Variants in ONECUT2 observed in about 807,000 individuals in gnomAD.
ONECUT2 encodes one cut homeobox 2, also known as one cut domain family member 2.
Under a neutral mutation model 27.9 loss-of-function variants are expected in ONECUT2, and 10 were observed. The observed-to-expected ratio is 0.36, with a 90% CI of 0.22 to 0.61. The LOEUF is 0.61. Ranked by LOEUF, ONECUT2 falls within the 20% of genes least tolerant of loss-of-function variation. The pLI, the probability that ONECUT2 is intolerant of heterozygous loss-of-function variation, is 0.73. For synonymous variants in ONECUT2, 334 were observed against 315.1 expected, an observed-to-expected ratio of 1.06 and a Z score of -0.64; for missense variants, 686 against 721.0, an observed-to-expected ratio of 0.95 and a Z score of 0.56.
At chr18:57,467,215 C>T (rs1445484496) in intron 1 of ONECUT2, 2 of 456,306 alleles carry the variant, frequency 4.4e-6, no homozygotes, top group South Asian at 3.1e-5. Flanking sequence ...CTGCCTCCAG[C>T]CGACAGTAAG....
In ONECUT2 at chr18:57,446,128, G is replaced by A. The variant is rs141954482; in HGVS notation, c.1228+9184G>A. Among the ~76,000 whole-genome samples, 648 of 152,322 alleles carry A rather than the reference G, an allele frequency of 4.3e-3. 7 individuals carry two copies. Among genetic ancestry groups the A allele is most frequent in the African/African-American group, 0.015 (616 of 41,576 alleles). ...CTGCCCTGGTAGGAAGGTTGGGGTC[G>A]CATCCTGCTGGCACTGCCCTCCCAG... is the stretch of plus-strand genomic sequence containing the variant. On this transcript the variant is annotated intron_variant, in intron 1 of 1. Coordinates refer to ENST00000491143, the MANE Select transcript of ONECUT2 (RefSeq NM_004852.3).
At chr18:57,440,611 T>C (rs1430088866) in intron 1 of ONECUT2, among the ~76,000 whole-genome samples, 1 of 152,212 alleles carries the variant, frequency 6.6e-6, no homozygotes, top group Non-Finnish European at 1.5e-5. Flanking sequence ...CCCACCATGA[T>C]GTCGCCTGGG....
At chr18:57,460,313 A>T (rs565119516) in intron 1 of ONECUT2, among the ~76,000 whole-genome samples, 41 of 152,252 alleles carry the variant, frequency 2.7e-4, no homozygotes, top group Middle Eastern at 3.4e-3. Context: ...CTATTTTTTT[A>T]AAATCTCAAA....
intron 1 of ONECUT2, among the ~76,000 whole-genome samples, chr18:57,464,140 T>G (rs1273106772): frequency 2.0e-5 from 3 of 152,206 alleles, no homozygotes; most frequent in Non-Finnish European, 4.4e-5. Flanking sequence ...AGTAATTTGC[T>G]TAATCCTCTG....
In ONECUT2 at chr18:57,482,643, G is replaced by A. The variant is rs989949769; in HGVS notation, c.*5920G>A. The A allele has an allele frequency of 1.3e-5, 2 of 152,122 alleles. No homozygotes were observed. The highest frequency in any genetic ancestry group is 4.8e-5 in the African/African-American group (2 of 41,398). The allele number at this position is 152,122 out of a possible 1,614,324, so 9.4% of individuals were successfully genotyped here. A position where few individuals can be genotyped will look rare whatever the true frequency, so the allele number is the denominator to read the frequency against. On this transcript the variant is annotated 3_prime_UTR_variant, in exon 2 of 2. Coordinates refer to ENST00000491143, the MANE Select transcript of ONECUT2 (RefSeq NM_004852.3). ...ACCTTGGCAGATAAGTGTGCCTAAG[G>A]TTTATACAGTCTGTCCGCTTGGATG... is the stretch of plus-strand genomic sequence containing the variant.
In ONECUT2 at chr18:57,476,707, C is replaced by T. The variant is rs750432712; in HGVS notation, c.1499C>T (p.Thr500Met). 8.7e-6 allele frequency: 14 copies of T among 1,613,976 alleles called. No individual in the cohort carries two copies. The highest frequency in any genetic ancestry group is 1.1e-5 in the South Asian group (1 of 91,066). ...STGGSSSTSS[T>M]CTKA ...GGGGGCTCCTCGTCCACCTCCAGCA[C>T]GTGTACCAAAGCATGATGGAAGGAC... The change falls in exon 2 of 2, where the codon ACG (threonine) becomes ATG (methionine). Residue 500 changes from threonine to methionine, a missense_variant. Thr to Met is a moderately conservative substitution (Grantham distance 81). Transcript: ENST00000491143.
rs183812924 is a variant in ONECUT2 at position 57,447,563 on chromosome 18, G to A, written c.1228+10619G>A. ...GAGGAAGAGCATTACCACCGCTGGG[G>A]GGCGGGGGATTGAACTATTTTTCTC... On this transcript the variant is annotated intron_variant, in intron 1 of 1. Coordinates refer to ENST00000491143, the MANE Select transcript of ONECUT2 (RefSeq NM_004852.3). Among the ~76,000 whole-genome samples the A allele has an allele frequency of 2.9e-3, 437 of 152,278 alleles. 3 individuals are homozygous for A. The highest frequency in any genetic ancestry group is 4.8e-3 in the Admixed American group (74 of 15,300).
chr18:57,459,377 G>A (rs181387710), intron 1 of ONECUT2, among the ~76,000 whole-genome samples: 31 of 152,120 alleles, frequency 2.0e-4, no homozygotes, highest in African/African-American at 5.8e-4. Flanking sequence ...TACAGCAAGG[G>A]GATATAACAA....
At chr18:57,453,454 T>C (rs1308865410) in intron 1 of ONECUT2, among the ~76,000 whole-genome samples, 2 of 152,230 alleles carry the variant, frequency 1.3e-5, no homozygotes, top group Non-Finnish European at 2.9e-5. Flanking sequence ...AATTGAGAAA[T>C]ATTTTTGAGT....
rs115680931 is a variant in ONECUT2, at chr18:57,438,862, G to A, written c.1228+1918G>A. Among the ~76,000 whole-genome samples the A allele has an allele frequency of 6.2e-3, 939 of 152,292 alleles. 17 individuals carry two copies. Among genetic ancestry groups the A allele is most frequent in the African/African-American group, 0.021 (855 of 41,558 alleles). Reference sequence around the variant, plus strand: ...TAGAGAGCGATAATAATAGCGGCGGGAAATGAACTGGAGACTGGCTGACAG... The same window carrying A: ...TAGAGAGCGATAATAATAGCGGCGGAAAATGAACTGGAGACTGGCTGACAG... On this transcript the variant is annotated intron_variant, in intron 1 of 1. Transcript: ENST00000491143.
chr18:57,462,985 G>A (rs982522215), intron 1 of ONECUT2, among the ~76,000 whole-genome samples: 2 of 152,126 alleles, frequency 1.3e-5, no homozygotes, highest in African/African-American at 4.8e-5. Flanking sequence ...GCCCGCCTCG[G>A]CCTCCCAAAG....
intron 1 of ONECUT2, among the ~76,000 whole-genome samples, chr18:57,469,412 G>A (rs577464416): frequency 2.2e-4 from 33 of 152,314 alleles, no homozygotes; most frequent in Middle Eastern, 3.4e-3. Flanking sequence ...TTTACTGAAT[G>A]CAAGGAGAAT....
Position 57,471,662 on chromosome 18 carries a change from TCA to T in ONECUT2, c.1229-4772_1229-4771del, listed in dbSNP as rs1363511076. On this transcript the variant is annotated intron_variant, in intron 1 of 1. Transcript: ENST00000491143. ...AGTAGCTGTCTGCCATCCTTGTTAA[TCA>T]CAGATTATACACAGATGTGTACATG... Among the ~76,000 whole-genome samples, 5 of 152,318 alleles carry T rather than the reference TCA, an allele frequency of 3.3e-5. No homozygotes were observed. The East Asian group carries it at 9.6e-4, about 29-fold the overall frequency.
intron 1 of ONECUT2, among the ~76,000 whole-genome samples, chr18:57,460,766 T>G (rs2050286580): frequency 6.9e-6 from 1 of 145,530 alleles, no homozygotes; most frequent in African/African-American, 2.6e-5. Context: ...CACAGCTCAC[T>G]GCAGCCTTGA....
chr18:57,462,086 C>T (rs2050295072), intron 1 of ONECUT2, among the ~76,000 whole-genome samples: 1 of 152,230 alleles, frequency 6.6e-6, no homozygotes, highest in Non-Finnish European at 1.5e-5. Flanking sequence ...CTTGCCAGCT[C>T]TTGGTATTGA....
Position 57,481,647 on chromosome 18 carries a change from T to C in ONECUT2, c.*4924T>C, listed in dbSNP as rs761804683. ...TTGGTAGAATTATAGGAATGTCTGT[T>C]TGATTATCATTACCAAAGTGTCATG... On this transcript the variant is annotated 3_prime_UTR_variant, in exon 2 of 2. Coordinates refer to ENST00000491143, the MANE Select transcript of ONECUT2 (RefSeq NM_004852.3). The C allele has an allele frequency of 3.3e-5, 5 of 152,230 alleles. No homozygotes were observed. Among genetic ancestry groups the C allele is most frequent in the African/African-American group, 4.8e-5 (2 of 41,462 alleles). The allele number at this position is 152,230 out of a possible 1,614,324, so 9.4% of individuals were successfully genotyped here.
chr18:57,447,826 G>A (rs2144306713), intron 1 of ONECUT2, among the ~76,000 whole-genome samples: 1 of 152,130 alleles, frequency 6.6e-6, no homozygotes, highest in East Asian at 1.9e-4. Flanking sequence ...ACCAACTGTG[G>A]AGCATCACCA....
chr18:57,462,660 A>G (rs1598938879), intron 1 of ONECUT2, among the ~76,000 whole-genome samples: 2 of 151,160 alleles, frequency 1.3e-5, no homozygotes, highest in Admixed American at 1.3e-4. Context: ...TTGGGCTAGT[A>G]CTTTTTGAGT....
At chr18:57,464,698 G>A (rs1350835090) in intron 1 of ONECUT2, among the ~76,000 whole-genome samples, 2 of 152,110 alleles carry the variant, frequency 1.3e-5, no homozygotes, top group Admixed American at 6.5e-5. Flanking sequence ...TGGAGACACC[G>A]ACCCTTTTTC....
Sources: allele counts gnomAD v4.1 joint callset (sites outside exome capture counted in the v4.1 genomes callset), GRCh38; gene constraint gnomAD v4.1.1; transcripts MANE v1.5; gene names NCBI Gene and HGNC (gene_info 2026-07-23, HGNC 2026-07-21).